Variants in DLG2 observed in about 807,000 individuals in gnomAD.
DLG2 encodes disks large homolog 2.
DLG2 carries 45 observed loss-of-function variants against 132.5 expected under a neutral mutation model. The observed-to-expected ratio is 0.34, with a 90% confidence interval of 0.27 to 0.44. The LOEUF is 0.44. DLG2 is among the 20% of genes least tolerant of loss of function. The pLI, the probability that DLG2 is intolerant of heterozygous loss-of-function variation, is 1.00. For synonymous variants in DLG2, 424 were observed against 419.6 expected (o/e 1.01, Z -0.13); for missense variants, 1,045 against 1,196.9 (o/e 0.87, Z 1.87).
chr11:85,022,387 C>T (rs1472147806), intron 6 of DLG2, among the ~76,000 whole-genome samples: 3 of 151,958 alleles, frequency 2.0e-5, no homozygotes, highest in Non-Finnish European at 4.4e-5. Flanking sequence ...ATAATATATA[C>T]TTTGCGACTA....
intron 3 of DLG2, among the ~76,000 whole-genome samples, chr11:85,363,371 G>GAAAGA (rs1266258472): frequency 6.6e-6 from 1 of 152,204 alleles, no homozygotes; most frequent in Non-Finnish European, 1.5e-5. Context: ...GAAAGGAAAG[G>GAAAGA]AGGCTTGAAC....
In DLG2 at chr11:83,966,932, T is replaced by C. The variant is rs545956232; in HGVS notation, c.1057-1464A>G. On this transcript the variant is annotated intron_variant, in intron 12 of 27. Coordinates refer to ENST00000376104, the MANE Select transcript of DLG2 (RefSeq NM_001142699.3). ...CCTGTAACCACTGTTTTATCCTCTA[T>C]CTCTGTATATTTGACTTTTATTTTT... Among the ~76,000 whole-genome samples the C allele has an allele frequency of 1.1e-3, 173 of 152,198 alleles. 5 individuals carry two copies. The highest frequency in any genetic ancestry group is 4.0e-3 in the African/African-American group (166 of 41,566).
intron 6 of DLG2, among the ~76,000 whole-genome samples, chr11:85,105,021 G>A (rs1455173128): frequency 6.6e-6 from 1 of 151,842 alleles, no homozygotes; most frequent in South Asian, 2.1e-4. Flanking sequence ...TGGGGACACT[G>A]AGCATAAACT....
At chr11:85,107,935 A>AT (rs2072063156) in intron 6 of DLG2, among the ~76,000 whole-genome samples, 1 of 146,426 alleles carries the variant, frequency 6.8e-6, no homozygotes, top group Admixed American at 6.8e-5. Flanking sequence ...CTTAAAAAAA[A>AT]AAAAAAAAAA....
chr11:85,175,998 T>C (rs1161266441), intron 4 of DLG2, among the ~76,000 whole-genome samples: 1 of 152,150 alleles, frequency 6.6e-6, no homozygotes, highest in Non-Finnish European at 1.5e-5. Flanking sequence ...TCCATGCTCA[T>C]GGAGAGGAAG....
chr11:84,901,611 AAG>A (rs1379338991), intron 6 of DLG2, among the ~76,000 whole-genome samples: 20 of 152,252 alleles, frequency 1.3e-4, no homozygotes, highest in African/African-American at 4.3e-4. Context: ...CTTTCAGAAT[AAG>A]AGAGTTAACT....
chr11:84,920,796 C>T (rs1350937761), intron 6 of DLG2, among the ~76,000 whole-genome samples: 1 of 152,066 alleles, frequency 6.6e-6, no homozygotes, highest in Non-Finnish European at 1.5e-5. Context: ...AAACATACCA[C>T]TCTCAATAAA....
chr11:84,213,338 C>T (rs2096782680), intron 8 of DLG2, among the ~76,000 whole-genome samples: 1 of 152,136 alleles, frequency 6.6e-6, no homozygotes, highest in Admixed American at 6.6e-5. Context: ...GCAGGAAATG[C>T]TCTATGAACT....
At chr11:84,051,774 A>G (rs1368712892) in intron 11 of DLG2, among the ~76,000 whole-genome samples, 5 of 151,746 alleles carry the variant, frequency 3.3e-5, no homozygotes, top group African/African-American at 1.2e-4. Flanking sequence ...AAAGTATAAT[A>G]TAAAAAAAAA....
chr11:85,533,707 C>T (rs1288577378), intron 3 of DLG2, among the ~76,000 whole-genome samples: 1 of 152,002 alleles, frequency 6.6e-6, no homozygotes, highest in Non-Finnish European at 1.5e-5. Context: ...CTTCTTTCCC[C>T]TTATTGGTTT....
chr11:85,041,909 A>G lies in DLG2; in HGVS notation c.357+69752T>C, dbSNP rs529939242. Reference sequence around the variant, plus strand: ...GCAAAGCAGGGGCACACAGAGTGGTATAATGAACATCGGAGAGTCAGAAGT... The same window carrying G: ...GCAAAGCAGGGGCACACAGAGTGGTGTAATGAACATCGGAGAGTCAGAAGT... On this transcript the variant is annotated intron_variant, in intron 6 of 27. Coordinates refer to ENST00000376104, the MANE Select transcript of DLG2 (RefSeq NM_001142699.3). Among the ~76,000 whole-genome samples the G allele has an allele frequency of 7.1e-4, 108 of 152,040 alleles. No individual in the cohort carries two copies. In the Middle Eastern group the frequency reaches 0.014, roughly 19 times the overall value.
intron 6 of DLG2, among the ~76,000 whole-genome samples, chr11:84,700,823 CCTCA>C (rs1405086261): frequency 6.6e-6 from 1 of 151,604 alleles, no homozygotes; most frequent in Non-Finnish European, 1.5e-5. Context: ...GCAAAGACAT[CCTCA>C]CTATCAGTTG....
chr11:85,302,520 G>A (rs2079650905), intron 3 of DLG2, among the ~76,000 whole-genome samples: 1 of 151,976 alleles, frequency 6.6e-6, no homozygotes, highest in South Asian at 2.1e-4. Flanking sequence ...GGTGATTGCT[G>A]AGCACCTGAC....
rs527325904 is a variant in DLG2, at chr11:83,880,353, C to A, written c.1497-5865G>T. 8.0e-4 allele frequency among the ~76,000 whole-genome samples: 122 copies of A among 152,210 alleles called. 6 individuals carry two copies. The South Asian group carries it at 0.024, about 30-fold the overall frequency. On this transcript the variant is annotated intron_variant, in intron 15 of 27. Coordinates refer to ENST00000376104, the MANE Select transcript of DLG2 (RefSeq NM_001142699.3). ...TGAAGAATATTAATAAATGCCTAAA[C>A]TTGAATAATGCAGTAAAAATTAAGA...
At chr11:85,483,819 C>A (rs1180514078) in intron 3 of DLG2, among the ~76,000 whole-genome samples, 1 of 150,498 alleles carries the variant, frequency 6.6e-6, no homozygotes, top group African/African-American at 2.5e-5. Context: ...TGGAGGGCAC[C>A]TGTAATCCCA....
chr11:85,408,108 C>G (rs927221947), intron 3 of DLG2, among the ~76,000 whole-genome samples: 4 of 150,504 alleles, frequency 2.7e-5, no homozygotes, highest in Non-Finnish European at 4.4e-5. Context: ...TTTCTGGGCA[C>G]CTTTTTATCT....
At chr11:84,569,416 GA>G (rs1299092743) in intron 6 of DLG2, among the ~76,000 whole-genome samples, 1 of 151,932 alleles carries the variant, frequency 6.6e-6, no homozygotes, top group African/African-American at 2.4e-5. Context: ...ATATATAAAT[GA>G]CTGACAAAGA....
intron 18 of DLG2, among the ~76,000 whole-genome samples, chr11:83,655,775 T>C (rs1484849985): frequency 1.3e-5 from 2 of 152,232 alleles, no homozygotes; most frequent in South Asian, 4.1e-4. Flanking sequence ...CCCATTCTTA[T>C]TGCCAAAGTT....
At chr11:83,877,117 T>A (rs187109049) in intron 15 of DLG2, among the ~76,000 whole-genome samples, 93 of 152,276 alleles carry the variant, frequency 6.1e-4, no homozygotes, top group Middle Eastern at 3.4e-3. Context: ...AAGCTTTGTA[T>A]CATTTTATTG....
Sources: allele counts gnomAD v4.1 joint callset (sites outside exome capture counted in the v4.1 genomes callset), GRCh38; gene constraint gnomAD v4.1.1; transcripts MANE v1.5; gene names NCBI Gene and HGNC (gene_info 2026-07-23, HGNC 2026-07-21).